The following LDLRAD4 variants were observed in gnomAD, a reference collection of about 807,000 sequenced individuals.
The protein encoded by LDLRAD4 is low density lipoprotein receptor class A domain containing 4.
LDLRAD4 carries 5 observed loss-of-function variants against 17.0 expected under a neutral mutation model. The ratio of observed to expected loss-of-function variants is 0.29; its 90% CI spans 0.15 to 0.62. The LOEUF is 0.62. LDLRAD4 is among the 20% of genes least tolerant of loss of function. LDLRAD4 has a pLI of 0.84. For synonymous variants in LDLRAD4, 168 were observed against 171.8 expected, an observed-to-expected ratio of 0.98 and a Z score of 0.17; for missense variants, 340 against 424.7, an observed-to-expected ratio of 0.80 and a Z score of 1.75.
intron 1 of LDLRAD4, among the ~76,000 whole-genome samples, chr18:13,285,614 C>T (rs1405693336): frequency 6.6e-6 from 1 of 152,176 alleles, no homozygotes; most frequent in Non-Finnish European, 1.5e-5. Flanking sequence ...TTCCGCTGTG[C>T]ACAAGGGGTC....
At chr18:13,451,975 C>T (rs2091863372) in intron 3 of LDLRAD4, among the ~76,000 whole-genome samples, 1 of 152,190 alleles carries the variant, frequency 6.6e-6, no homozygotes, top group African/African-American at 2.4e-5. Context: ...TCTCCTTCCA[C>T]TAGACCCTGT....
At chr18:13,388,366 C>G (rs1432385032) in intron 2 of LDLRAD4, among the ~76,000 whole-genome samples, 2 of 152,186 alleles carry the variant, frequency 1.3e-5, no homozygotes, top group Admixed American at 6.5e-5. Flanking sequence ...GATCCTGGCT[C>G]TTTTGTCTGA....
At chr18:13,466,539 A>G (rs1297939134) in intron 3 of LDLRAD4, among the ~76,000 whole-genome samples, 6 of 152,050 alleles carry the variant, frequency 3.9e-5, no homozygotes, top group African/African-American at 1.4e-4. Flanking sequence ...AAGAAAAAAA[A>G]TGAGATCTTC....
intron 3 of LDLRAD4, among the ~76,000 whole-genome samples, chr18:13,527,994 G>A (rs931583101): frequency 6.6e-6 from 1 of 152,184 alleles, no homozygotes. Context: ...TGCCCTCCAT[G>A]TAGGAGGCTG....
At chr18:13,446,060 G>A (rs1165878654) in intron 3 of LDLRAD4, among the ~76,000 whole-genome samples, 1 of 152,190 alleles carries the variant, frequency 6.6e-6, no homozygotes, top group East Asian at 1.9e-4. Context: ...TGCTCAGTAA[G>A]CATCATCTAT....
intron 1 of LDLRAD4, chr18:13,240,081 C>T (rs950720562): frequency 6.6e-6 from 1 of 152,180 alleles, no homozygotes; most frequent in African/African-American, 2.4e-5. Context: ...TTTTGGATGG[C>T]CTTGGACATA....
chr18:13,417,599 A>AT, intron 2 of LDLRAD4, among the ~76,000 whole-genome samples: 1 of 151,894 alleles, frequency 6.6e-6, no homozygotes, highest in South Asian at 2.1e-4. Flanking sequence ...CACCTGGCTA[A>AT]TTTTTTTGTA....
chr18:13,506,533 A>G (rs1166907601), intron 3 of LDLRAD4, among the ~76,000 whole-genome samples: 1 of 152,130 alleles, frequency 6.6e-6, no homozygotes, highest in African/African-American at 2.4e-5. Flanking sequence ...CCCCTGGGTG[A>G]CAGGGACCAA....
intron 3 of LDLRAD4, chr18:13,612,867 G>A: frequency 7.0e-7 from 1 of 1,430,210 alleles, no homozygotes; most frequent in South Asian, 1.2e-5. Flanking sequence ...GAGCTGAGAA[G>A]AGGAGAAGCT....
intron 1 of LDLRAD4, among the ~76,000 whole-genome samples, chr18:13,296,941 G>T (rs573416904): frequency 6.6e-6 from 1 of 152,180 alleles, no homozygotes; most frequent in Non-Finnish European, 1.5e-5. Flanking sequence ...CCATGGACTC[G>T]TTATGTGCCC....
intron 3 of LDLRAD4, among the ~76,000 whole-genome samples, chr18:13,606,917 C>CT (rs1251562128): frequency 6.6e-6 from 1 of 152,214 alleles, no homozygotes; most frequent in Non-Finnish European, 1.5e-5. Flanking sequence ...CATAAAATGG[C>CT]TCCAAGAGCC....
chr18:13,372,687 T>C (rs1410902757), intron 1 of LDLRAD4, among the ~76,000 whole-genome samples: 2 of 152,144 alleles, frequency 1.3e-5, no homozygotes, highest in African/African-American at 2.4e-5. Flanking sequence ...GAATGGAAGT[T>C]GAATAAGACA....
chr18:13,438,338 G>C lies in LDLRAD4; in HGVS notation c.135G>C (p.Glu45Asp), dbSNP rs898081484. The change falls in exon 3 of 6, where the codon GAG (glutamate) becomes GAC (aspartate). Residue 45 changes from glutamate to aspartate, a missense_variant. Transcript: ENST00000359446. ...ACTGTGGGGACAACAGTGACGAAGA[G>C]AACTGTCTCCTGGTGACCGAGCACC... 8.1e-6 allele frequency: 13 copies of C among 1,613,924 alleles called. No homozygotes were observed. In the African/African-American group the frequency reaches 1.3e-4, roughly 17 times the overall value.
At chr18:13,571,458 A>G (rs1043458450) in intron 3 of LDLRAD4, among the ~76,000 whole-genome samples, 4 of 152,134 alleles carry the variant, frequency 2.6e-5, no homozygotes, top group Non-Finnish European at 4.4e-5. Context: ...TCCATGCCAC[A>G]CTACTGCCTC....
intron 1 of LDLRAD4, among the ~76,000 whole-genome samples, chr18:13,297,243 C>T (rs1414144056): frequency 6.6e-6 from 1 of 152,204 alleles, no homozygotes; most frequent in Non-Finnish European, 1.5e-5. Flanking sequence ...TAAGGGGCCT[C>T]TGCATTTTGG....
chr18:13,505,906 T>A (rs915795646), intron 3 of LDLRAD4, among the ~76,000 whole-genome samples: 1 of 152,134 alleles, frequency 6.6e-6, no homozygotes, highest in African/African-American at 2.4e-5. Context: ...TCCCTAGTGG[T>A]CTGAGCGGTG....
At chr18:13,346,755 G>A (rs1327993990) in intron 1 of LDLRAD4, among the ~76,000 whole-genome samples, 1 of 152,172 alleles carries the variant, frequency 6.6e-6, no homozygotes, top group African/African-American at 2.4e-5. Context: ...ATGAATCTGG[G>A]TGCTCCTGTA....
chr18:13,647,793 A>C (rs1216313882), exon 6 of LDLRAD4: 1 of 152,236 alleles, frequency 6.6e-6, no homozygotes, highest in Non-Finnish European at 1.5e-5. Flanking sequence ...TATACAGTTG[A>C]GAGTCACAGT....
chr18:13,285,188 G>A (rs1445444513), intron 1 of LDLRAD4, among the ~76,000 whole-genome samples: 1 of 152,216 alleles, frequency 6.6e-6, no homozygotes, highest in African/African-American at 2.4e-5. Context: ...AGCCCCAGGG[G>A]CCCAGGGGCA....
Sources: allele counts gnomAD v4.1 joint callset (sites outside exome capture counted in the v4.1 genomes callset), GRCh38; gene constraint gnomAD v4.1.1; transcripts MANE v1.5; gene names NCBI Gene and HGNC (gene_info 2026-07-23, HGNC 2026-07-21).